The following ST18 variants were observed in gnomAD, a reference collection of about 807,000 sequenced individuals.
ST18 encodes suppression of tumorigenicity 18 protein.
Under a neutral mutation model 110.0 loss-of-function variants are expected in ST18, and 50 were observed. The ratio of observed to expected loss-of-function variants is 0.45; its 90% CI spans 0.36 to 0.58. ST18 has a LOEUF of 0.58. Ranked by LOEUF, ST18 falls within the 20% of genes least tolerant of loss-of-function variation. The pLI is 0.00. For missense variants in ST18, 1,306 were observed against 1,280.1 expected, an observed-to-expected ratio of 1.02 and a Z score of -0.31; for synonymous variants, 461 against 452.4, an observed-to-expected ratio of 1.02 and a Z score of -0.24.
chr8:52,255,261 T>G, intron 2 of ST18, among the ~76,000 whole-genome samples: 1 of 152,196 alleles, frequency 6.6e-6, no homozygotes, highest in Non-Finnish European at 1.5e-5. Context: ...CAGGTTATGC[T>G]GCTCTCACAG....
intron 4 of ST18, 65 bp downstream of exon 4, chr8:52,221,575 T>C (rs2086771774): frequency 6.6e-6 from 1 of 152,236 alleles, no homozygotes. Context: ...ACATCACGTG[T>C]ATCCATGCAC....
chr8:52,148,972 G>A (rs558473627), intron 16 of ST18, among the ~76,000 whole-genome samples: 12 of 152,270 alleles, frequency 7.9e-5, no homozygotes, highest in African/African-American at 2.9e-4. Flanking sequence ...GAGCAAAATA[G>A]GACTGACTTA....
chr8:52,317,528 C>T (rs1241219170), intron 2 of ST18, among the ~76,000 whole-genome samples: 4 of 152,200 alleles, frequency 2.6e-5, no homozygotes, highest in East Asian at 1.9e-4. Flanking sequence ...AGCCACTCAG[C>T]TTGTGGTAAT....
intron 2 of ST18, among the ~76,000 whole-genome samples, chr8:52,370,824 G>C (rs1239108378): frequency 6.6e-6 from 1 of 152,116 alleles, no homozygotes; most frequent in African/African-American, 2.4e-5. Flanking sequence ...ACAAAACCTA[G>C]TTCCCTGCTT....
chr8:52,323,202 C>CA (rs1360341271), intron 2 of ST18, among the ~76,000 whole-genome samples: 1 of 152,180 alleles, frequency 6.6e-6, no homozygotes, highest in East Asian at 1.9e-4. Flanking sequence ...CACATAAAAC[C>CA]AGGAGAGGCC....
intron 2 of ST18, among the ~76,000 whole-genome samples, chr8:52,396,569 G>A (rs780448477): frequency 9.2e-5 from 14 of 152,146 alleles, no homozygotes; most frequent in Non-Finnish European, 1.3e-4. Flanking sequence ...GTTCCACATG[G>A]CTGGGGGAGG....
chr8:52,227,775 T>C (rs2089984677), intron 3 of ST18, among the ~76,000 whole-genome samples: 1 of 152,190 alleles, frequency 6.6e-6, no homozygotes, highest in South Asian at 2.1e-4. Flanking sequence ...CAGAATTCTG[T>C]ATTCCAATAG....
chr8:52,224,518 T>C (rs552588570), intron 3 of ST18, among the ~76,000 whole-genome samples: 64 of 152,330 alleles, frequency 4.2e-4, no homozygotes, highest in African/African-American at 1.3e-3. Context: ...ACACTCTTCA[T>C]TGGCTATAAA....
At chr8:52,155,940 T>A (rs1270099519) in intron 15 of ST18, among the ~76,000 whole-genome samples, 1 of 152,148 alleles carries the variant, frequency 6.6e-6, no homozygotes, top group Non-Finnish European at 1.5e-5. Context: ...AGATCTGTAA[T>A]TCATACTCCT....
intron 19 of ST18, among the ~76,000 whole-genome samples, chr8:52,134,964 C>G (rs1418904087): frequency 6.6e-6 from 1 of 152,060 alleles, no homozygotes; most frequent in East Asian, 1.9e-4. Context: ...TATTAGATAG[C>G]TGTATAAAAA....
In ST18 at chr8:52,111,028, A is replaced by T; in HGVS notation, c.*2170T>A. The T allele has an allele frequency of 2.5e-6, 1 of 398,816 alleles. No individual in the cohort carries two copies. Among genetic ancestry groups the T allele is most frequent in the Admixed American group, 4.4e-5 (1 of 22,728 alleles). The allele number at this position is 398,816 out of a possible 1,614,324, so 24.7% of individuals were successfully genotyped here. Reference sequence around the variant, plus strand: ...CCAATTTACAGTATTGATCATTAACATAGTTGAAAAGAAAACAAATTCAGT... The same window carrying T: ...CCAATTTACAGTATTGATCATTAACTTAGTTGAAAAGAAAACAAATTCAGT... On this transcript the variant is annotated 3_prime_UTR_variant, in exon 26 of 26. Transcript: ENST00000689386.
intron 2 of ST18, among the ~76,000 whole-genome samples, chr8:52,332,908 G>A (rs1330936433): frequency 1.3e-5 from 2 of 151,992 alleles, no homozygotes; most frequent in African/African-American, 2.4e-5. Context: ...TATGCACAAG[G>A]CACATAGAAC....
chr8:52,137,656 C>A (rs527737754), intron 17 of ST18, 173 bp from the exon 18 acceptor site: 213 of 546,462 alleles, frequency 3.9e-4, no homozygotes, highest in Non-Finnish European at 5.9e-4. Context: ...CAGTGGACTA[C>A]CTGAAAGAAA....
intron 23 of ST18, among the ~76,000 whole-genome samples, chr8:52,125,275 C>T (rs972861378): frequency 2.6e-5 from 4 of 152,116 alleles, no homozygotes; most frequent in African/African-American, 7.2e-5. Context: ...TCCAGAATCT[C>T]TATAAAAATA....
intron 2 of ST18, among the ~76,000 whole-genome samples, chr8:52,281,791 G>A (rs1340685415): frequency 6.6e-6 from 1 of 152,184 alleles, no homozygotes; most frequent in Non-Finnish European, 1.5e-5. Context: ...AGTAACTCAG[G>A]AATGGAAAAC....
Position 52,212,200 on chromosome 8 carries a change from C to T in ST18, c.56-91G>A, listed in dbSNP as rs75478065. 1,333 of 1,264,014 alleles carry T rather than the reference C, an allele frequency of 1.1e-3. 9 individuals are homozygous for T. The African/African-American group carries it at 0.017, about 16-fold the overall frequency. The allele number at this position is 1,264,014 out of a possible 1,614,324, so 78.3% of individuals were successfully genotyped here. A position where few individuals can be genotyped will look rare whatever the true frequency, so the allele number is the denominator to read the frequency against. On this transcript the variant is annotated intron_variant, in intron 7 of 25. Transcript: ENST00000689386. ...AAACTTTTCCCCCACCTAGAGGTAA[C>T]GACCAATAAGTTTCTCACTGGGTGG...
chr8:52,217,190 C>T (rs2084639800), intron 6 of ST18, among the ~76,000 whole-genome samples: 1 of 152,084 alleles, frequency 6.6e-6, no homozygotes, highest in Non-Finnish European at 1.5e-5. Flanking sequence ...AAAGCTGTTC[C>T]TTTCCAGATT....
intron 16 of ST18, among the ~76,000 whole-genome samples, chr8:52,149,245 C>T (rs774745780): frequency 1.3e-5 from 2 of 152,234 alleles, no homozygotes; most frequent in South Asian, 2.1e-4. Flanking sequence ...TCCAACATTT[C>T]GATCCAATGC....
chr8:52,305,693 C>T (rs181952257), intron 2 of ST18, among the ~76,000 whole-genome samples: 235 of 152,274 alleles, frequency 1.5e-3, no homozygotes, highest in African/African-American at 5.3e-3. Flanking sequence ...TTTCACTCAC[C>T]GCATCCGGTG....
Sources: allele counts gnomAD v4.1 joint callset (sites outside exome capture counted in the v4.1 genomes callset), GRCh38; gene constraint gnomAD v4.1.1; transcripts MANE v1.5; gene names NCBI Gene and HGNC (gene_info 2026-07-23, HGNC 2026-07-21).